Variants in BLMH observed in about 807,000 individuals in gnomAD.
The protein encoded by BLMH is BLM hydrolase.
Under a neutral mutation model 61.6 loss-of-function variants are expected in BLMH, and 32 were observed. That is an observed-to-expected ratio of 0.52 (90% CI 0.39 to 0.70). The LOEUF (loss-of-function observed/expected upper bound fraction) is 0.70, where lower values mean the gene tolerates loss of function less well. BLMH is among the 30% of genes least tolerant of loss of function. The pLI is 0.00. For synonymous variants in BLMH, 183 were observed against 193.8 expected (o/e 0.94, Z 0.46); for missense variants, 460 against 555.5 (o/e 0.83, Z 1.73).
intron 3 of BLMH, among the ~76,000 whole-genome samples, chr17:30,288,509 G>A (rs866095679): frequency 2.6e-5 from 4 of 151,738 alleles, no homozygotes; most frequent in African/African-American, 9.7e-5. Flanking sequence ...TGCACCACGC[G>A]TGGCTAATTT....
chr17:30,248,267 A>G lies in BLMH; in HGVS notation c.*750T>C, dbSNP rs887067640. On this transcript the variant is annotated 3_prime_UTR_variant, in exon 12 of 12. Coordinates refer to ENST00000261714, the MANE Select transcript of BLMH (RefSeq NM_000386.4). ...ACCATCTAGTTATCAGAAAGAATGG[A>G]TATCACCTTTTCCTGCCCACCCAAT... 2.6e-5 allele frequency: 4 copies of G among 152,544 alleles called. No homozygotes were observed. Among genetic ancestry groups the G allele is most frequent in the Non-Finnish European group, 5.9e-5 (4 of 68,034 alleles). The allele number at this position is 152,544 out of a possible 1,614,324, so 9.4% of individuals were successfully genotyped here.
intron 11 of BLMH, among the ~76,000 whole-genome samples, chr17:30,253,804 G>A (rs1907739041): frequency 6.6e-6 from 1 of 152,154 alleles, no homozygotes; most frequent in Non-Finnish European, 1.5e-5. Flanking sequence ...AAACTTTAAT[G>A]TCTTGTTTAC....
chr17:30,252,015 C>A (rs923066952), intron 11 of BLMH: 1 of 152,086 alleles, frequency 6.6e-6, no homozygotes, highest in African/African-American at 2.4e-5. Flanking sequence ...ATTTTAATGT[C>A]TAGATTTGCA....
At position 30,272,847 on chromosome 17, in the gene BLMH, G is replaced by A; in HGVS notation, c.854C>T (p.Thr285Ile). 1 of 1,614,108 alleles carries A rather than the reference G, an allele frequency of 6.2e-7. No homozygotes were observed. The highest frequency in any genetic ancestry group is 8.5e-7 in the Non-Finnish European group (1 of 1,180,010). ...RPQHKYNKLY[T>I]VEYLSNMVGG... Reference sequence around the variant, plus strand: ...AACCATATTGCTTAAGTATTCCACTGTGTAAAGTTTGTTGTACTTGTGCTG... The same window carrying A: ...AACCATATTGCTTAAGTATTCCACTATGTAAAGTTTGTTGTACTTGTGCTG... The change falls in exon 8 of 12, where the codon ACA becomes ATA. Residue 285 changes from threonine to isoleucine, a missense_variant. Coordinates refer to ENST00000261714, the MANE Select transcript of BLMH (RefSeq NM_000386.4).
intron 11 of BLMH, among the ~76,000 whole-genome samples, chr17:30,259,304 T>C (rs1907898025): frequency 6.6e-6 from 1 of 152,194 alleles, no homozygotes; most frequent in Non-Finnish European, 1.5e-5. Flanking sequence ...GCTTGCACCC[T>C]GACCCCTCCT....
intron 11 of BLMH, among the ~76,000 whole-genome samples, chr17:30,254,278 G>A (rs1010904936): frequency 2.0e-5 from 3 of 152,072 alleles, no homozygotes; most frequent in African/African-American, 7.2e-5. Flanking sequence ...CTGCTCTGAC[G>A]GTCTGTCTGG....
chr17:30,291,659 G>A, intron 1 of BLMH, 148 bp downstream of exon 1: 2 of 1,373,298 alleles, frequency 1.5e-6, no homozygotes, highest in Non-Finnish European at 1.9e-6. Flanking sequence ...CCAAGGAGCT[G>A]TCTCCCTCCA....
At chr17:30,281,441 T>C (rs1294593862) in intron 6 of BLMH, among the ~76,000 whole-genome samples, 1 of 152,028 alleles carries the variant, frequency 6.6e-6, no homozygotes, top group Non-Finnish European at 1.5e-5. Context: ...ATCTATTCTT[T>C]CCCTCTTCCA....
Position 30,286,907 on chromosome 17 carries a change from A to G in BLMH, c.464-5T>C, listed in dbSNP as rs745833732. ...TAGGGATAACACCATATTTTTCTAA[A>G]AGAAAACAAATTCTAGTGTTAAAGA... On this transcript the variant is annotated splice_region_variant and splice_polypyrimidine_tract_variant and intron_variant, in intron 4 of 11. Coordinates refer to ENST00000261714, the MANE Select transcript of BLMH (RefSeq NM_000386.4). 3.2e-6 allele frequency: 5 copies of G among 1,549,924 alleles called. No individual in the cohort carries two copies. The Admixed American group carries it at 5.2e-5, about 16-fold the overall frequency.
intron 6 of BLMH, among the ~76,000 whole-genome samples, chr17:30,276,170 T>TG (rs754560546): frequency 3.0e-4 from 46 of 152,182 alleles, no homozygotes; most frequent in Non-Finnish European, 5.0e-4. Context: ...TATTGCTCCT[T>TG]GGCTACAGGA....
intron 11 of BLMH, among the ~76,000 whole-genome samples, chr17:30,263,151 G>C (rs1279932044): frequency 6.6e-6 from 1 of 152,158 alleles, no homozygotes; most frequent in Non-Finnish European, 1.5e-5. Flanking sequence ...GGGAAGGTGA[G>C]AGAAAGCACA....
At chr17:30,262,814 A>G (rs1177784534) in intron 11 of BLMH, among the ~76,000 whole-genome samples, 1 of 152,178 alleles carries the variant, frequency 6.6e-6, no homozygotes, top group African/African-American at 2.4e-5. Flanking sequence ...AAAACAAAAC[A>G]AAACAAAAAA....
intron 7 of BLMH, chr17:30,273,208 C>T (rs1908326917): frequency 4.6e-6 from 1 of 217,732 alleles, no homozygotes; most frequent in African/African-American, 2.3e-5. Context: ...ACTCTGTCGC[C>T]CAGGCTGGAG....
chr17:30,273,119 G>T, intron 7 of BLMH: 2 of 505,208 alleles, frequency 4.0e-6, no homozygotes, highest in Non-Finnish European at 6.9e-6. Context: ...CAATTAGGAG[G>T]TGCATCTACC....
At chr17:30,261,071 T>C (rs1907944197) in intron 11 of BLMH, among the ~76,000 whole-genome samples, 1 of 152,204 alleles carries the variant, frequency 6.6e-6, no homozygotes, top group African/African-American at 2.4e-5. Context: ...TTCACTCTTG[T>C]TTCAGCAAGT....
chr17:30,248,964 C>A lies in BLMH; in HGVS notation c.*53G>T. ...CTTTGGCTTCAGTCCCTGGATCTGT[C>A]CTTTGCAGCTACGTCAGGTTCCATG... On this transcript the variant is annotated 3_prime_UTR_variant, in exon 12 of 12. Coordinates refer to ENST00000261714, the MANE Select transcript of BLMH (RefSeq NM_000386.4). The A allele has an allele frequency of 6.2e-7, 1 of 1,603,346 alleles. No homozygotes were observed.
chr17:30,261,195 G>A (rs939014172), intron 11 of BLMH, among the ~76,000 whole-genome samples: 4 of 152,148 alleles, frequency 2.6e-5, no homozygotes, highest in Non-Finnish European at 5.9e-5. Flanking sequence ...GAATTTTAGG[G>A]AAGCTGTCTG....
Position 30,291,480 on chromosome 17 carries a change from C to T in BLMH, c.42G>A (p.Leu14=). 1.2e-6 allele frequency: 2 copies of T among 1,614,232 alleles called. No homozygotes were observed. Among genetic ancestry groups the T allele is most frequent in the Non-Finnish European group, 1.7e-6 (2 of 1,180,034 alleles). Residue 14 remains leucine (L), a synonymous_variant, in exon 2 of 12, where the codon CTG becomes CTA. Coordinates refer to ENST00000261714, the MANE Select transcript of BLMH (RefSeq NM_000386.4). ...GGGGGTCGGAATTCAGTTTCTGTAT[C>T]AGAGCAGCTACCTTCTCCGAATTCA... is the stretch of plus-strand genomic sequence containing the variant. ...SGLNSEKVAA[L]IQKLNSDPQF... is the part of the protein sequence containing the mutation.
At chr17:30,275,715 G>A (rs960486872) in intron 6 of BLMH, among the ~76,000 whole-genome samples, 1 of 151,550 alleles carries the variant, frequency 6.6e-6, no homozygotes, top group Admixed American at 6.6e-5. Flanking sequence ...TGCAAAAATA[G>A]AAAAAGAGAT....
Sources: allele counts gnomAD v4.1 joint callset (sites outside exome capture counted in the v4.1 genomes callset), GRCh38; gene constraint gnomAD v4.1.1; transcripts MANE v1.5; gene names NCBI Gene and HGNC (gene_info 2026-07-23, HGNC 2026-07-21).